Variants in CPM observed in about 807,000 individuals in gnomAD.
CPM encodes the protein carboxypeptidase M.
A neutral mutation model predicts 46.4 loss-of-function variants in CPM; 35 were observed. The ratio of observed to expected loss-of-function variants is 0.75; its 90% confidence interval spans 0.58 to 1.00. The LOEUF (loss-of-function observed/expected upper bound fraction) is 1.00. CPM is among the 50% of genes least tolerant of loss of function. The pLI is 0.00. For missense variants in CPM, 422 were observed against 530.4 expected, an observed-to-expected ratio of 0.80 and a Z score of 2.01; for synonymous variants, 195 against 195.3, an observed-to-expected ratio of 1.00 and a Z score of 0.01.
At chr12:68,942,455 A>G (rs1166449396) in intron 1 of CPM, among the ~76,000 whole-genome samples, 1 of 152,242 alleles carries the variant, frequency 6.6e-6, no homozygotes, top group African/African-American at 2.4e-5. Context: ...CTATAAAATC[A>G]TGCACCGTTA....
At chr12:68,891,262 A>G (rs1257455669) in intron 2 of CPM, among the ~76,000 whole-genome samples, 2 of 152,244 alleles carry the variant, frequency 1.3e-5, no homozygotes, top group Non-Finnish European at 2.9e-5. Context: ...TAATGAGTGA[A>G]TCCACAGAAG....
chr12:68,962,405 G>A (rs775866085), intron 1 of CPM, among the ~76,000 whole-genome samples: 21 of 152,094 alleles, frequency 1.4e-4, no homozygotes, highest in Non-Finnish European at 2.2e-4. Context: ...TCTCCTGCTC[G>A]CCTCCTGTCT....
intron 1 of CPM, among the ~76,000 whole-genome samples, chr12:68,954,770 G>A (rs1438181095): frequency 6.6e-6 from 1 of 152,166 alleles, no homozygotes; most frequent in Non-Finnish European, 1.5e-5. Context: ...TAGGTAGTGT[G>A]TGTTTATATC....
chr12:68,955,159 G>T (rs976001924), intron 1 of CPM, among the ~76,000 whole-genome samples: 1 of 152,198 alleles, frequency 6.6e-6, no homozygotes, highest in Non-Finnish European at 1.5e-5. Context: ...GAGCCCAGGA[G>T]GCCCGAGTAA....
intron 2 of CPM, among the ~76,000 whole-genome samples, chr12:68,897,459 C>T (rs1886921671): frequency 6.6e-6 from 1 of 152,074 alleles, no homozygotes; most frequent in Admixed American, 6.5e-5. Context: ...CGAGATCGAG[C>T]ATTACCTTAA....
intron 2 of CPM, among the ~76,000 whole-genome samples, chr12:68,886,935 T>C (rs1035232355): frequency 3.3e-5 from 5 of 152,230 alleles, no homozygotes; most frequent in African/African-American, 1.2e-4. Context: ...TCCCTTGTTG[T>C]GACCCACTGA....
chr12:68,867,173 T>C, intron 6 of CPM, 125 bp from the exon 7 acceptor site: 1 of 945,770 alleles, frequency 1.1e-6, no homozygotes, highest in Non-Finnish European at 1.7e-6. Flanking sequence ...TTTGACATAT[T>C]AGCTTGTAAA....
At chr12:68,872,252 C>CTT (rs10659287) in intron 3 of CPM, among the ~76,000 whole-genome samples, 17,982 of 117,154 alleles carry the variant, frequency 0.15, 1,749 homozygotes, top group African/African-American at 0.19. Flanking sequence ...CTGCTGCTTC[C>CTT]TTTTTTTTTT....
intron 3 of CPM, among the ~76,000 whole-genome samples, chr12:68,872,252 C>CTTTTTTTTTTT (rs10659287): frequency 8.5e-6 from 1 of 117,252 alleles, no homozygotes; most frequent in Non-Finnish European, 1.6e-5. Context: ...CTGCTGCTTC[C>CTTTTTTTTTTT]TTTTTTTTTT....
chr12:68,874,233 C>G lies in CPM; in HGVS notation c.259-2277G>C, dbSNP rs182578929. Among the ~76,000 whole-genome samples, 142 of 152,310 alleles carry G rather than the reference C, an allele frequency of 9.3e-4. 1 individual carries two copies. Among genetic ancestry groups the G allele is most frequent in the Middle Eastern group, 3.4e-3 (1 of 294 alleles). On this transcript the variant is annotated intron_variant, in intron 3 of 8. Coordinates refer to ENST00000551568, the MANE Select transcript of CPM (RefSeq NM_198320.5). ...TAATAGGTTTTTGAAGGTCCAGCAC[C>G]TTTGGAAGTAACCTTGATGAGCTAC...
chr12:68,928,593 T>C (rs1888368449), intron 2 of CPM, among the ~76,000 whole-genome samples: 1 of 152,208 alleles, frequency 6.6e-6, no homozygotes, highest in South Asian at 2.1e-4. Context: ...ATTTACTACA[T>C]GGAAAGTACT....
At chr12:68,922,362 T>C (rs1274947100) in intron 2 of CPM, among the ~76,000 whole-genome samples, 1 of 152,246 alleles carries the variant, frequency 6.6e-6, no homozygotes, top group Non-Finnish European at 1.5e-5. Flanking sequence ...TTTTTAAGTG[T>C]GGTTCTAGTT....
At chr12:68,926,238 T>A (rs1043771891) in intron 2 of CPM, among the ~76,000 whole-genome samples, 3 of 152,194 alleles carry the variant, frequency 2.0e-5, no homozygotes, top group Non-Finnish European at 4.4e-5. Context: ...TTTAAAAAAA[T>A]ATTTCTTATT....
chr12:68,941,095 A>G (rs1888752361), intron 1 of CPM, among the ~76,000 whole-genome samples: 1 of 150,656 alleles, frequency 6.6e-6, no homozygotes, highest in South Asian at 2.1e-4. Flanking sequence ...TCTTTTTGTG[A>G]CTGGCTTATT....
chr12:68,902,293 A>G (rs1279885714), intron 2 of CPM, among the ~76,000 whole-genome samples: 2 of 152,246 alleles, frequency 1.3e-5, no homozygotes, highest in East Asian at 3.8e-4. Context: ...CAAAGTCAAC[A>G]CAAATATAAG....
chr12:68,871,780 T>C lies in CPM; in HGVS notation c.431+4A>G. On this transcript the variant is annotated splice_donor_region_variant and intron_variant, in intron 4 of 8. Transcript: ENST00000551568. ...CAAGTAAAGATAGACCAGCCCCTCTTTACCTTCCGATGCTGTAATAACAGT... is the reference window on the plus strand; with the variant it reads ...CAAGTAAAGATAGACCAGCCCCTCTCTACCTTCCGATGCTGTAATAACAGT... 2.5e-6 allele frequency: 4 copies of C among 1,614,110 alleles called. No individual in the cohort carries two copies. The highest frequency in any genetic ancestry group is 3.4e-6 in the Non-Finnish European group (4 of 1,180,010).
intron 2 of CPM, among the ~76,000 whole-genome samples, chr12:68,924,164 A>C (rs1423446590): frequency 2.0e-5 from 3 of 151,674 alleles, no homozygotes; most frequent in South Asian, 4.2e-4. Context: ...AAAAAAAAAA[A>C]AAAAACCTAA....
intron 2 of CPM, among the ~76,000 whole-genome samples, chr12:68,912,352 A>C (rs1303112525): frequency 6.6e-6 from 1 of 152,166 alleles, no homozygotes; most frequent in Non-Finnish European, 1.5e-5. Context: ...GTATGGGCAT[A>C]AATGGGGAAT....
rs142329606 is a variant in CPM at position 68,863,726 on chromosome 12, T to C, written c.940+3170A>G. 4.9e-3 allele frequency among the ~76,000 whole-genome samples: 742 copies of C among 152,316 alleles called. 23 individuals are homozygous for C. Among genetic ancestry groups the C allele is most frequent in the Admixed American group, 0.039 (598 of 15,304 alleles). ...TACCCTCTTGGCAAGGCCCTTCCAC[T>C]AAAGCAGAAGGCCTTTCCTTCCCAG... On this transcript the variant is annotated intron_variant, in intron 7 of 8. Transcript: ENST00000551568.
Sources: allele counts gnomAD v4.1 joint callset (sites outside exome capture counted in the v4.1 genomes callset), GRCh38; gene constraint gnomAD v4.1.1; transcripts MANE v1.5; gene names NCBI Gene and HGNC (gene_info 2026-07-23, HGNC 2026-07-21).